Variants in DPYD observed in about 807,000 individuals in gnomAD.
The protein encoded by DPYD is dihydropyrimidine dehydrogenase.
In DPYD, 109 loss-of-function variants were observed where a neutral mutation model predicts 116.2. The ratio of observed to expected loss-of-function variants is 0.94; its 90% CI spans 0.80 to 1.10. The LOEUF (loss-of-function observed/expected upper bound fraction) is 1.10, where lower values mean the gene tolerates loss of function less well. Ranked by LOEUF, DPYD falls within the 50% of genes least tolerant of loss-of-function variation. The pLI is 0.00. For synonymous variants in DPYD, 440 were observed against 432.0 expected (o/e 1.02, Z -0.23); for missense variants, 1,302 against 1,254.5 (o/e 1.04, Z -0.57).
chr1:97,326,305 A>C (rs938421935), intron 16 of DPYD, among the ~76,000 whole-genome samples: 1 of 151,940 alleles, frequency 6.6e-6, no homozygotes, highest in Non-Finnish European at 1.5e-5. Context: ...TTTCAGATAC[A>C]TTGAGTTTGA....
intron 20 of DPYD, among the ~76,000 whole-genome samples, chr1:97,147,444 T>A (rs1654709304): frequency 6.6e-6 from 1 of 152,022 alleles, no homozygotes; most frequent in African/African-American, 2.4e-5. Flanking sequence ...GATGAAAGAA[T>A]CCCTTACATT....
At chr1:97,203,640 A>T (rs912305215) in intron 19 of DPYD, among the ~76,000 whole-genome samples, 10 of 147,682 alleles carry the variant, frequency 6.8e-5, no homozygotes, top group African/African-American at 1.3e-4. Flanking sequence ...AAAATAAAAA[A>T]AATAATAAAG....
At chr1:97,342,265 C>T (rs190588645) in intron 16 of DPYD, among the ~76,000 whole-genome samples, 34 of 152,230 alleles carry the variant, frequency 2.2e-4, no homozygotes, top group African/African-American at 7.7e-4. Flanking sequence ...TTTTAATCTC[C>T]TGTATTCTTG....
intron 5 of DPYD, among the ~76,000 whole-genome samples, chr1:97,709,052 T>G (rs185189145): frequency 1.3e-5 from 2 of 151,970 alleles, no homozygotes; most frequent in East Asian, 1.9e-4. Flanking sequence ...ATTTTCTACA[T>G]AGACAATTCT....
intron 12 of DPYD, among the ~76,000 whole-genome samples, chr1:97,544,350 C>T (rs531699976): frequency 6.6e-6 from 1 of 152,240 alleles, no homozygotes; most frequent in African/African-American, 2.4e-5. Context: ...GAGATTTTTA[C>T]CTACCTTCCA....
intron 2 of DPYD, among the ~76,000 whole-genome samples, chr1:97,843,959 G>C (rs988391845): frequency 3.3e-5 from 5 of 152,014 alleles, no homozygotes; most frequent in Non-Finnish European, 7.4e-5. Context: ...GATACTATCA[G>C]AGTTTATCAG....
intron 14 of DPYD, among the ~76,000 whole-genome samples, chr1:97,391,886 C>T (rs1323765297): frequency 6.6e-6 from 1 of 151,960 alleles, no homozygotes; most frequent in Non-Finnish European, 1.5e-5. Context: ...GCTGAATTCT[C>T]TTGATCATAT....
chr1:97,456,584 A>C (rs1221521720), intron 13 of DPYD, among the ~76,000 whole-genome samples: 1 of 152,092 alleles, frequency 6.6e-6, no homozygotes, highest in African/African-American at 2.4e-5. Flanking sequence ...TAACGGGCTT[A>C]AGCTGCATTA....
At chr1:97,557,308 CTTTTTT>C (rs796245332) in intron 11 of DPYD, among the ~76,000 whole-genome samples, 1 of 107,156 alleles carries the variant, frequency 9.3e-6, no homozygotes, top group Non-Finnish European at 1.9e-5. Flanking sequence ...TTTTTCTTTT[CTTTTTT>C]TTTTTTTTTT....
At chr1:97,526,283 G>C (rs1410507998) in intron 12 of DPYD, among the ~76,000 whole-genome samples, 1 of 152,094 alleles carries the variant, frequency 6.6e-6, no homozygotes, top group Non-Finnish European at 1.5e-5. Context: ...TTCGTGCTTT[G>C]TCCTCTTTCT....
At chr1:97,870,651 C>A (rs1390280521) in intron 2 of DPYD, among the ~76,000 whole-genome samples, 1 of 151,754 alleles carries the variant, frequency 6.6e-6, no homozygotes, top group Non-Finnish European at 1.5e-5. Context: ...TTTCAATAGG[C>A]TCTAATGTAA....
intron 20 of DPYD, among the ~76,000 whole-genome samples, chr1:97,118,882 C>G (rs890323648): frequency 2.0e-5 from 3 of 151,978 alleles, no homozygotes; most frequent in Non-Finnish European, 4.4e-5. Flanking sequence ...CGCATATCAT[C>G]TGAGGATTGA....
rs1470787816 is a variant in DPYD at position 97,453,241 on chromosome 1, T to TC, written c.1741-3019dup. On this transcript the variant is annotated intron_variant, in intron 13 of 22. Transcript: ENST00000370192. ...TCTTAACTGCTGGGTATCGCTGATC[T>TC]CTAGGATTTAAATAGAATGCCCCCA... Among the ~76,000 whole-genome samples the TC allele has an allele frequency of 2.0e-5, 3 of 152,086 alleles. No individual in the cohort carries two copies. In the East Asian group the frequency reaches 5.8e-4, roughly 29 times the overall value.
intron 8 of DPYD, among the ~76,000 whole-genome samples, chr1:97,597,256 T>C (rs920302790): frequency 6.6e-6 from 1 of 152,172 alleles, no homozygotes; most frequent in African/African-American, 2.4e-5. Context: ...AGGTCACACA[T>C]AGGGCCTCAA....
At chr1:97,826,781 C>T (rs1056496199) in intron 3 of DPYD, among the ~76,000 whole-genome samples, 1 of 152,000 alleles carries the variant, frequency 6.6e-6, no homozygotes, top group African/African-American at 2.4e-5. Context: ...TATCTGATTG[C>T]ATTTTATATA....
At chr1:97,085,263 A>C (rs1419172710) in intron 21 of DPYD, among the ~76,000 whole-genome samples, 1 of 152,160 alleles carries the variant, frequency 6.6e-6, no homozygotes, top group African/African-American at 2.4e-5. Context: ...TATACAGGAA[A>C]CTCTCTAGGC....
At chr1:97,425,109 A>T (rs1674790850) in intron 14 of DPYD, among the ~76,000 whole-genome samples, 1 of 152,096 alleles carries the variant, frequency 6.6e-6, no homozygotes, top group African/African-American at 2.4e-5. Flanking sequence ...TTTAGAAAGG[A>T]TTAATTAATT....
rs1174332823 is a variant in DPYD at position 97,668,132 on chromosome 1, A to G, written c.850+10963T>C. On this transcript the variant is annotated intron_variant, in intron 8 of 22. Coordinates refer to ENST00000370192, the MANE Select transcript of DPYD (RefSeq NM_000110.4). Reference sequence around the variant, plus strand: ...ATGTACTTAATCCCACTATTCACTTAAAGATGATGAAGGTGGTATATTTTA... The same window carrying G: ...ATGTACTTAATCCCACTATTCACTTGAAGATGATGAAGGTGGTATATTTTA... Among the ~76,000 whole-genome samples, 3 of 152,156 alleles carry G rather than the reference A, an allele frequency of 2.0e-5. 1 individual carries two copies. Among genetic ancestry groups the G allele is most frequent in the Non-Finnish European group, 4.4e-5 (3 of 67,988 alleles).
At chr1:97,300,659 C>T (rs1222743228) in intron 18 of DPYD, among the ~76,000 whole-genome samples, 1 of 151,978 alleles carries the variant, frequency 6.6e-6, no homozygotes, top group Non-Finnish European at 1.5e-5. Context: ...TGATTTTACA[C>T]AAATATTCAC....
Sources: gnomAD v4.1 joint callset for allele counts (sites outside exome capture counted in the v4.1 genomes callset) on GRCh38, gnomAD v4.1.1 for gene constraint, MANE v1.5 for transcripts, NCBI Gene and HGNC (gene_info 2026-07-23, HGNC 2026-07-21) for gene names.